TRARG1: variants seen among roughly 807,000 people sequenced by gnomAD.
TRARG1 encodes the protein trafficking regulator of GLUT4 (SLC2A4) 1 (gene/pseudogene).
In TRARG1, 16 loss-of-function variants were observed where a neutral mutation model predicts 13.3. The observed-to-expected ratio is 1.20, with a 90% CI of 0.81 to 1.83. TRARG1 has a LOEUF of 1.83. TRARG1 is among the 40% of genes most tolerant of loss of function. The pLI is 0.00. For synonymous variants in TRARG1, 113 were observed against 106.2 expected, an observed-to-expected ratio of 1.06 and a Z score of -0.39; for missense variants, 250 against 237.4, an observed-to-expected ratio of 1.05 and a Z score of -0.35.
chr17:1,284,639 A>G (rs1419646293), intron 1 of TRARG1, among the ~76,000 whole-genome samples: 1 of 152,074 alleles, frequency 6.6e-6, no homozygotes, highest in African/African-American at 2.4e-5. Context: ...TAAGTAGTAG[A>G]GGACGGTCAG....
At chr17:1,297,658 C>G (rs1016773404) in intron 2 of TRARG1, among the ~76,000 whole-genome samples, 1 of 142,510 alleles carries the variant, frequency 7.0e-6, no homozygotes, top group Non-Finnish European at 1.5e-5. Flanking sequence ...GGCTAGAGTG[C>G]AATGGCACAA....
intron 1 of TRARG1, among the ~76,000 whole-genome samples, chr17:1,293,237 TTG>T (rs2072085267): frequency 7.0e-6 from 1 of 142,012 alleles, no homozygotes; most frequent in African/African-American, 2.7e-5. Context: ...TGAACCGAGA[TTG>T]CGCCACTGCA....
chr17:1,285,002 A>G (rs990789898), intron 1 of TRARG1, among the ~76,000 whole-genome samples: 5 of 152,072 alleles, frequency 3.3e-5, no homozygotes, highest in Non-Finnish European at 7.4e-5. Flanking sequence ...TTTATGAACC[A>G]GGCACCGTGT....
intron 1 of TRARG1, among the ~76,000 whole-genome samples, chr17:1,284,160 C>T (rs368192464): frequency 6.6e-6 from 1 of 151,560 alleles, no homozygotes; most frequent in Admixed American, 6.6e-5. Context: ...AGAAAGAAAC[C>T]CTGTCCCCTT....
At chr17:1,288,414 C>G (rs2072040600) in intron 1 of TRARG1, among the ~76,000 whole-genome samples, 1 of 127,142 alleles carries the variant, frequency 7.9e-6, no homozygotes, top group Non-Finnish European at 1.7e-5. Context: ...CCCCAACCCC[C>G]ACAGGTTCCT....
rs1464982179 is a variant in TRARG1 at position 1,280,198 on chromosome 17, C to A, written c.197C>A (p.Ser66Tyr). ...NSQGLPFKAI[S>Y]EGHLEAPLPR... ...CAGGGCCTACCCTTCAAGGCCATCTCCGAGGGGCACCTGGAGGCCCCACTG... is the reference window on the plus strand; with the variant it reads ...CAGGGCCTACCCTTCAAGGCCATCTACGAGGGGCACCTGGAGGCCCCACTG... Residue 66 changes from serine to tyrosine, a missense_variant, in exon 1 of 3, where the codon TCC becomes TAC. Physicochemically the swap from Ser to Tyr is moderately radical, Grantham distance 144. Transcript: ENST00000333813. 1.2e-5 allele frequency: 19 copies of A among 1,613,948 alleles called. No homozygotes were observed. Among genetic ancestry groups the A allele is most frequent in the Non-Finnish European group, 1.6e-5 (19 of 1,179,994 alleles).
intron 1 of TRARG1, among the ~76,000 whole-genome samples, chr17:1,281,957 T>G (rs937040046): frequency 6.6e-6 from 1 of 151,368 alleles, no homozygotes; most frequent in African/African-American, 2.4e-5. Flanking sequence ...TGCACATACA[T>G]GTACATATAT....
intron 1 of TRARG1, among the ~76,000 whole-genome samples, chr17:1,294,734 A>G (rs1439699036): frequency 7.4e-5 from 10 of 134,482 alleles, no homozygotes; most frequent in Admixed American, 1.5e-4. Flanking sequence ...CTCCCAGGCT[A>G]GGGTGCAGTG....
chr17:1,300,641 G>T lies in TRARG1; in HGVS notation c.*2377G>T, dbSNP rs73285393. ...GACAGAGCTCAGAGGCCCCCGAGGT[G>T]TGTGTAGGAGGCGGAGGCCCGCAGA... On this transcript the variant is annotated 3_prime_UTR_variant, in exon 3 of 3. Coordinates refer to ENST00000333813, the MANE Select transcript of TRARG1 (RefSeq NM_172367.3). 1 of 152,746 alleles carries T rather than the reference G, an allele frequency of 6.5e-6. No homozygotes were observed. The highest frequency in any genetic ancestry group is 2.4e-5 in the African/African-American group (1 of 41,478). 9.5% of individuals were successfully genotyped at this position (152,746 alleles called of 1,614,324 possible).
intron 1 of TRARG1, among the ~76,000 whole-genome samples, chr17:1,282,984 C>G (rs1479234570): frequency 6.6e-6 from 1 of 152,176 alleles, no homozygotes; most frequent in Non-Finnish European, 1.5e-5. Context: ...GCCCACCACA[C>G]TCGGCCCCTT....
rs778472663 is a variant in TRARG1, at chr17:1,298,249, A to G, written c.521-2A>G. 4.3e-6 allele frequency: 7 copies of G among 1,613,714 alleles called. No individual in the cohort carries two copies. Among genetic ancestry groups the G allele is most frequent in the Admixed American group, 1.7e-5 (1 of 59,978 alleles). On this transcript the variant is annotated splice_acceptor_variant, in intron 2 of 2. Coordinates refer to ENST00000333813, the MANE Select transcript of TRARG1 (RefSeq NM_172367.3). LOFTEE classifies it high-confidence loss of function. ...TGCCATATCTGTTTTTTTTCTTTACAGTTCAGAAGAAATAAACTTAAGCAG... is the reference window on the plus strand; with the variant it reads ...TGCCATATCTGTTTTTTTTCTTTACGGTTCAGAAGAAATAAACTTAAGCAG...
At chr17:1,282,224 G>GTATGTATATGTA (rs1567928185) in intron 1 of TRARG1, among the ~76,000 whole-genome samples, 2 of 115,594 alleles carry the variant, frequency 1.7e-5, no homozygotes, top group Non-Finnish European at 3.6e-5. Flanking sequence ...GTATACACGT[G>GTATGTATATGTA]CGTATATGTA....
intron 1 of TRARG1, among the ~76,000 whole-genome samples, chr17:1,280,619 T>G (rs990920411): frequency 2.0e-5 from 3 of 152,122 alleles, no homozygotes; most frequent in African/African-American, 7.2e-5. Context: ...GCATCAGAGC[T>G]CGACTTTGCA....
At chr17:1,284,307 G>A (rs539427456) in intron 1 of TRARG1, among the ~76,000 whole-genome samples, 16 of 152,282 alleles carry the variant, frequency 1.1e-4, no homozygotes, top group African/African-American at 3.6e-4. Flanking sequence ...TCCTGGCCTC[G>A]TTCACTTTGC....
At chr17:1,282,315 T>C (rs1167868374) in intron 1 of TRARG1, among the ~76,000 whole-genome samples, 11 of 116,456 alleles carry the variant, frequency 9.4e-5, no homozygotes, top group African/African-American at 2.7e-4. Context: ...CATATGCGTA[T>C]ATATGTACAT....
At chr17:1,289,910 C>T (rs931226707) in intron 1 of TRARG1, among the ~76,000 whole-genome samples, 1 of 151,960 alleles carries the variant, frequency 6.6e-6, no homozygotes, top group Non-Finnish European at 1.5e-5. Flanking sequence ...AGCACCCAAG[C>T]TGGGAACCTG....
chr17:1,293,283 CAA>C (rs55792385), intron 1 of TRARG1, among the ~76,000 whole-genome samples: 38 of 77,204 alleles, frequency 4.9e-4, no homozygotes, highest in African/African-American at 1.7e-3. Context: ...GACTCTGTCT[CAA>C]AAAAAAAAAA....
chr17:1,283,190 G>A (rs985723180), intron 1 of TRARG1, among the ~76,000 whole-genome samples: 9 of 151,932 alleles, frequency 5.9e-5, no homozygotes, highest in Admixed American at 3.9e-4. Context: ...TCATTCAAAC[G>A]GCTCTTCTCC....
chr17:1,295,371 T>C, intron 1 of TRARG1, 120 bp from the exon 2 acceptor site: 1 of 1,301,946 alleles, frequency 7.7e-7, no homozygotes, highest in South Asian at 1.5e-5. Flanking sequence ...TGGGCTGCCA[T>C]GGGGACGGGA....
Sources: allele counts gnomAD v4.1 joint callset (sites outside exome capture counted in the v4.1 genomes callset), GRCh38; gene constraint gnomAD v4.1.1; transcripts MANE v1.5; gene names NCBI Gene and HGNC (gene_info 2026-07-23, HGNC 2026-07-21).